The following ANKIB1 variants were observed in gnomAD, a reference collection of about 807,000 sequenced individuals.
ANKIB1 encodes the protein ankyrin repeat and IBR domain-containing protein 1.
Under a neutral mutation model 122.1 loss-of-function variants are expected in ANKIB1, and 43 were observed. The observed-to-expected ratio is 0.35, with a 90% CI of 0.28 to 0.45. The LOEUF (loss-of-function observed/expected upper bound fraction) is 0.45. ANKIB1 is among the 20% of genes least tolerant of loss of function. The probability of loss-of-function intolerance (pLI) is 1.00; values close to 1 mark genes in which losing one functional copy is unlikely to be tolerated. For synonymous variants in ANKIB1, 390 were observed against 442.0 expected, an observed-to-expected ratio of 0.88 and a Z score of 1.48; for missense variants, 992 against 1,329.5, an observed-to-expected ratio of 0.75 and a Z score of 3.95.
intron 1 of ANKIB1, among the ~76,000 whole-genome samples, chr7:92,249,954 TC>T (rs1248840230): frequency 6.6e-6 from 1 of 152,212 alleles, no homozygotes; most frequent in African/African-American, 2.4e-5. Context: ...GATTTTTTTT[TC>T]TTGTAATATT....
At chr7:92,296,911 TTCTA>T (rs1472359166) in intron 2 of ANKIB1, among the ~76,000 whole-genome samples, 4 of 152,328 alleles carry the variant, frequency 2.6e-5, no homozygotes, top group South Asian at 4.1e-4. Flanking sequence ...ATTTTTTTGC[TTCTA>T]TCTTTCATTT....
intron 8 of ANKIB1, 58 bp downstream of exon 8, chr7:92,351,152 T>A: frequency 7.8e-7 from 1 of 1,282,664 alleles, no homozygotes; most frequent in Non-Finnish European, 1.0e-6. Flanking sequence ...TATTAAACCT[T>A]TATAACATTA....
intron 1 of ANKIB1, among the ~76,000 whole-genome samples, chr7:92,283,610 G>T (rs1275691038): frequency 4.6e-5 from 7 of 152,044 alleles, no homozygotes; most frequent in Admixed American, 4.6e-4. Context: ...ACAGTCATGT[G>T]CCACATAACA....
chr7:92,289,085 A>G (rs1378845100), intron 1 of ANKIB1, among the ~76,000 whole-genome samples: 1 of 152,242 alleles, frequency 6.6e-6, no homozygotes, highest in Non-Finnish European at 1.5e-5. Context: ...AGCCTTAATA[A>G]TAATTGCCCC....
At chr7:92,342,454 G>A (rs1055702875) in intron 5 of ANKIB1, among the ~76,000 whole-genome samples, 21 of 152,110 alleles carry the variant, frequency 1.4e-4, no homozygotes, top group Admixed American at 3.3e-4. Context: ...ATTTTTTTTA[G>A]TTAAGCCAGG....
At chr7:92,306,707 A>G (rs548530922) in intron 2 of ANKIB1, among the ~76,000 whole-genome samples, 3 of 152,270 alleles carry the variant, frequency 2.0e-5, no homozygotes, top group South Asian at 2.1e-4. Context: ...TGTGAGAAAT[A>G]AGTGTTTCTT....
chr7:92,355,871 TA>T (rs780146529), intron 9 of ANKIB1, among the ~76,000 whole-genome samples: 92 of 148,254 alleles, frequency 6.2e-4, no homozygotes, highest in Middle Eastern at 7.1e-3. Flanking sequence ...ATAATAATAA[TA>T]ATAATAATAA....
At chr7:92,275,118 T>C (rs1801874516) in intron 1 of ANKIB1, among the ~76,000 whole-genome samples, 1 of 152,218 alleles carries the variant, frequency 6.6e-6, no homozygotes, top group South Asian at 2.1e-4. Context: ...TTGCCTGTTG[T>C]GTATTTGTTT....
intron 11 of ANKIB1, among the ~76,000 whole-genome samples, chr7:92,381,854 T>C (rs558167330): frequency 5.3e-5 from 8 of 152,266 alleles, no homozygotes; most frequent in Admixed American, 4.6e-4. Flanking sequence ...AATAACCAGC[T>C]AACATCATAA....
chr7:92,392,333 AGTGCAGTC>A, intron 17 of ANKIB1, 41 bp downstream of exon 17: 1 of 1,555,690 alleles, frequency 6.4e-7, no homozygotes, highest in Non-Finnish European at 8.8e-7. Flanking sequence ...ATTTTTTCTT[AGTGCAGTC>A]GTGCTTGCAT....
intron 10 of ANKIB1, among the ~76,000 whole-genome samples, chr7:92,370,076 G>A (rs1016027948): frequency 3.3e-5 from 5 of 152,162 alleles, no homozygotes; most frequent in Non-Finnish European, 5.9e-5. Context: ...ATCATAATAG[G>A]CTTTATATTC....
At chr7:92,292,987 C>T (rs1177116133) in intron 1 of ANKIB1, among the ~76,000 whole-genome samples, 1 of 152,058 alleles carries the variant, frequency 6.6e-6, no homozygotes, top group Admixed American at 6.6e-5. Context: ...TCAATAATAA[C>T]GCTTAAAAAA....
At chr7:92,270,601 A>G (rs1801765300) in intron 1 of ANKIB1, among the ~76,000 whole-genome samples, 2 of 152,260 alleles carry the variant, frequency 1.3e-5, no homozygotes, top group Middle Eastern at 3.4e-3. Flanking sequence ...TAGGATAACC[A>G]CCATCATAAT....
At chr7:92,268,403 T>G (rs1273963167) in intron 1 of ANKIB1, among the ~76,000 whole-genome samples, 9 of 152,228 alleles carry the variant, frequency 5.9e-5, no homozygotes, top group Non-Finnish European at 1.2e-4. Context: ...TTGTATTTTT[T>G]GCAAAATCAG....
intron 2 of ANKIB1, among the ~76,000 whole-genome samples, chr7:92,299,441 C>G (rs1424879836): frequency 6.6e-6 from 1 of 152,174 alleles, no homozygotes; most frequent in Non-Finnish European, 1.5e-5. Flanking sequence ...TACTACACTG[C>G]AACTAATCTT....
chr7:92,393,357 A>T (rs529664768), intron 17 of ANKIB1, among the ~76,000 whole-genome samples: 18 of 152,200 alleles, frequency 1.2e-4, no homozygotes, highest in African/African-American at 4.3e-4. Flanking sequence ...GTGATATATT[A>T]ATGAAATTTT....
intron 1 of ANKIB1, among the ~76,000 whole-genome samples, chr7:92,249,044 C>T (rs1801264708): frequency 6.6e-6 from 1 of 151,972 alleles, no homozygotes; most frequent in Non-Finnish European, 1.5e-5. Context: ...CCCGCCACCA[C>T]ACCCGGCTAA....
At chr7:92,397,702 G>T in intron 18 of ANKIB1, 21 bp from the exon 19 acceptor site, 2 of 1,608,040 alleles carry the variant, frequency 1.2e-6, no homozygotes, top group Non-Finnish European at 1.7e-6. Context: ...ATTGTCTTTG[G>T]TACCAATTGC....
intron 1 of ANKIB1, among the ~76,000 whole-genome samples, chr7:92,271,549 T>C (rs1801792469): frequency 6.6e-6 from 1 of 152,190 alleles, no homozygotes; most frequent in South Asian, 2.1e-4. Context: ...TGGGGAGAAT[T>C]GACACCTCTA....
Sources: allele counts gnomAD v4.1 joint callset (sites outside exome capture counted in the v4.1 genomes callset), GRCh38; gene constraint gnomAD v4.1.1; transcripts MANE v1.5; gene names NCBI Gene and HGNC (gene_info 2026-07-23, HGNC 2026-07-21).